LPAR6: variants seen among roughly 807,000 people sequenced by gnomAD.
LPAR6 encodes G-protein coupled purinergic receptor P2Y5.
In LPAR6, 17 loss-of-function variants were observed where a neutral mutation model predicts 22.0. The ratio of observed to expected loss-of-function variants is 0.77; its 90% CI spans 0.53 to 1.16. The LOEUF is 1.16. LPAR6 is among the 50% of genes most tolerant of loss of function. The pLI, the probability that LPAR6 is intolerant of heterozygous loss-of-function variation, is 0.00. For synonymous variants in LPAR6, 136 were observed against 139.8 expected (o/e 0.97, Z 0.19); for missense variants, 384 against 406.9 (o/e 0.94, Z 0.48).
intron 1 of LPAR6, among the ~76,000 whole-genome samples, chr13:48,394,394 C>T (rs369132190): frequency 2.0e-4 from 30 of 152,228 alleles, no homozygotes; most frequent in South Asian, 6.2e-4. Context: ...GGAATGACAG[C>T]GAGTTAGAAC....
intron 1 of LPAR6, among the ~76,000 whole-genome samples, chr13:48,440,938 A>C (rs1039385352): frequency 1.3e-5 from 2 of 152,214 alleles, no homozygotes; most frequent in Admixed American, 6.5e-5. Flanking sequence ...TATAATTAAA[A>C]TGTAGGGAAG....
At chr13:48,402,649 T>G (rs1259197904) in intron 1 of LPAR6, among the ~76,000 whole-genome samples, 1 of 152,112 alleles carries the variant, frequency 6.6e-6, no homozygotes, top group Admixed American at 6.6e-5. Flanking sequence ...AGTGCTGGGA[T>G]TAGTCATGAG....
rs765891671 is a variant in LPAR6, at chr13:48,411,774, A to G, written c.650T>C (p.Leu217Ser). The G allele has an allele frequency of 6.2e-7, 1 of 1,611,368 alleles. No individual in the cohort carries two copies. Among genetic ancestry groups the G allele is most frequent in the Admixed American group, 1.7e-5 (1 of 59,960 alleles). ...VLKTLTKPVT[L>S]SRSKINKTKV... ...AGTTTTGTTTATTTTGCTTCTACTTAATGTAACAGGTTTGGTTAAAGTTTT... is the reference window on the plus strand; with the variant it reads ...AGTTTTGTTTATTTTGCTTCTACTTGATGTAACAGGTTTGGTTAAAGTTTT... Residue 217 changes from leucine to serine, a missense_variant, in exon 1 of 1, where the codon TTA becomes TCA. By Grantham distance (145) the Leu-to-Ser change is moderately radical (BLOSUM62 -2). Transcript: ENST00000620633.
At chr13:48,439,371 A>T (rs4151567) in intron 1 of LPAR6, among the ~76,000 whole-genome samples, 1 of 152,194 alleles carries the variant, frequency 6.6e-6, no homozygotes, top group Non-Finnish European at 1.5e-5. Context: ...GAATTTTGGT[A>T]GTGAGGTAGT....
upstream of LPAR6, among the ~76,000 whole-genome samples, chr13:48,417,495 A>G (rs1387567550): frequency 3.3e-5 from 5 of 152,202 alleles, no homozygotes; most frequent in South Asian, 4.1e-4. Context: ...AAGGCTGACA[A>G]TTCCAAAAAC....
intron 1 of LPAR6, among the ~76,000 whole-genome samples, chr13:48,396,228 G>A (rs893044251): frequency 5.3e-5 from 8 of 152,036 alleles, no homozygotes; most frequent in African/African-American, 1.7e-4. Context: ...GAGGCATCAC[G>A]CTACTTGACT....
rs948024662 is a variant in LPAR6, at chr13:48,412,561, C to T, written c.-138G>A. On this transcript the variant is annotated 5_prime_UTR_variant, in exon 1 of 1. Transcript: ENST00000620633. Reference sequence around the variant, plus strand: ...CTTTGGATGGTTTTATAAATATTTCCTTTTTCTCAGAAATACCCAAAAGAA... The same window carrying T: ...CTTTGGATGGTTTTATAAATATTTCTTTTTTCTCAGAAATACCCAAAAGAA... The T allele has an allele frequency of 5.8e-6, 4 of 686,280 alleles. No individual in the cohort carries two copies. The East Asian group carries it at 1.1e-4, about 19-fold the overall frequency. The allele number at this position is 686,280 out of a possible 1,614,324, so 42.5% of individuals were successfully genotyped here. A position where few individuals can be genotyped will look rare whatever the true frequency, so the allele number is the denominator to read the frequency against.
intron 1 of LPAR6, among the ~76,000 whole-genome samples, chr13:48,433,666 C>A (rs985061545): frequency 7.5e-6 from 1 of 133,440 alleles, no homozygotes. Context: ...ATTTGTTTTA[C>A]TGTTAACAAA....
At chr13:48,429,049 TTGTG>T (rs1244853339), upstream of LPAR6, among the ~76,000 whole-genome samples, 1 of 152,164 alleles carries the variant, frequency 6.6e-6, no homozygotes, top group African/African-American at 2.4e-5. Flanking sequence ...AGTAGTGAAA[TTGTG>T]TGTGTATTAA....
intron 2 of LPAR6, among the ~76,000 whole-genome samples, chr13:48,422,459 A>C (rs1220195473): frequency 6.6e-6 from 1 of 152,186 alleles, no homozygotes; most frequent in Non-Finnish European, 1.5e-5. Context: ...GCACGTGTAT[A>C]CCTATGTAAC....
chr13:48,395,218 G>C (rs149557568), intron 1 of LPAR6, among the ~76,000 whole-genome samples: 1 of 152,090 alleles, frequency 6.6e-6, no homozygotes, highest in Non-Finnish European at 1.5e-5. Context: ...CAAAAAGGAC[G>C]TCCACACAGA....
intron 1 of LPAR6, chr13:48,404,315 A>G (rs549416748): frequency 6.6e-6 from 1 of 152,180 alleles, no homozygotes; most frequent in Non-Finnish European, 1.5e-5. Context: ...AAAATACAAC[A>G]AAGTATTGTA....
Position 48,412,578 on chromosome 13 carries a change from C to A in LPAR6, c.-155G>T. The A allele has an allele frequency of 1.5e-6, 1 of 645,912 alleles. No homozygotes were observed. Among genetic ancestry groups the A allele is most frequent in the Non-Finnish European group, 2.8e-6 (1 of 355,358 alleles). The allele number at this position is 645,912 out of a possible 1,614,324, so 40.0% of individuals were successfully genotyped here. On this transcript the variant is annotated 5_prime_UTR_variant, in exon 1 of 1. Transcript: ENST00000620633. ...AATATTTCCTTTTTCTCAGAAATAC[C>A]CAAAAGAAACATGAAATTTGTTGCT...
intron 1 of LPAR6, chr13:48,422,927 G>A (rs956800390): frequency 2.6e-5 from 4 of 152,258 alleles, no homozygotes; most frequent in Admixed American, 6.5e-5. Context: ...GATCACTTGA[G>A]ACCAGGATTT....
chr13:48,419,422 C>T, intron 2 of LPAR6, among the ~76,000 whole-genome samples: 1 of 152,122 alleles, frequency 6.6e-6, no homozygotes, highest in East Asian at 1.9e-4. Flanking sequence ...TAAATGCCCA[C>T]AGGAGAAAGC....
chr13:48,412,213 G>GTAAA lies in LPAR6; in HGVS notation c.207_210dup (p.Pro71PhefsTer21). The GTAAA allele has an allele frequency of 6.2e-7, 1 of 1,613,870 alleles. No individual in the cohort carries two copies. The highest frequency in any genetic ancestry group is 1.1e-5 in the South Asian group (1 of 91,076). ...GTTGTGAAGTAAAAAATCCTGAAGG[G>GTAAA]TAAAGTAAAAACAAAAAGCAAGTCT... On this transcript the variant is annotated frameshift_variant, in exon 1 of 1. Transcript: ENST00000620633. LOFTEE classifies it high-confidence loss of function.
At chr13:48,443,657 C>T (rs1949259705) in intron 1 of LPAR6, among the ~76,000 whole-genome samples, 1 of 152,200 alleles carries the variant, frequency 6.6e-6, no homozygotes, top group Non-Finnish European at 1.5e-5. Context: ...CTTAAATTAA[C>T]TAGCTTTTAT....
chr13:48,432,487 GTC>G (rs1156560243), intron 1 of LPAR6, among the ~76,000 whole-genome samples: 1 of 150,888 alleles, frequency 6.6e-6, no homozygotes, highest in African/African-American at 2.4e-5. Context: ...GAGAGTAGCT[GTC>G]TCTCATTAAA....
At chr13:48,390,660 G>C (rs1948604595) in intron 1 of LPAR6, among the ~76,000 whole-genome samples, 1 of 152,124 alleles carries the variant, frequency 6.6e-6, no homozygotes, top group African/African-American at 2.4e-5. Flanking sequence ...TAAAGCATTA[G>C]ATTTGTAATG....
Sources: gnomAD v4.1 joint callset for allele counts (sites outside exome capture counted in the v4.1 genomes callset) on GRCh38, gnomAD v4.1.1 for gene constraint, MANE v1.5 for transcripts, NCBI Gene and HGNC (gene_info 2026-07-23, HGNC 2026-07-21) for gene names.